The following OSBPL9 variants were observed in gnomAD, a reference collection of about 807,000 sequenced individuals.
OSBPL9 encodes oxysterol binding protein like 9.
OSBPL9 carries 40 observed loss-of-function variants against 106.6 expected under a neutral mutation model. That is an observed-to-expected ratio of 0.38 (90% CI 0.29 to 0.49). The LOEUF is 0.49. Among genes scored for constraint, OSBPL9 ranks in the 20% least tolerant of loss-of-function variants. The pLI, the probability that OSBPL9 is intolerant of heterozygous loss-of-function variation, is 0.97. For synonymous variants in OSBPL9, 269 were observed against 295.4 expected (o/e 0.91, Z 0.92); for missense variants, 609 against 887.2 (o/e 0.69, Z 3.98).
At chr1:51,774,353 A>T (rs1255159980) in intron 14 of OSBPL9, among the ~76,000 whole-genome samples, 1 of 152,158 alleles carries the variant, frequency 6.6e-6, no homozygotes, top group Non-Finnish European at 1.5e-5. Flanking sequence ...TTTTTTACTG[A>T]ATGTGTTTAA....
rs185007472 is a variant in OSBPL9, at chr1:51,727,258, T to C, written c.318+13179T>C. ...AAAGGAAAATTTAAAAGAGTATTAG[T>C]GAAGGTTAAATACTGACCATGGACA... On this transcript the variant is annotated intron_variant, in intron 4 of 23. Transcript: ENST00000428468. Among the ~76,000 whole-genome samples the C allele has an allele frequency of 1.4e-3, 208 of 151,742 alleles. 1 individual carries two copies. Among genetic ancestry groups the C allele is most frequent in the Admixed American group, 5.5e-3 (84 of 15,186 alleles).
intron 2 of OSBPL9, among the ~76,000 whole-genome samples, chr1:51,602,880 G>A (rs1645331214): frequency 6.6e-6 from 1 of 152,220 alleles, no homozygotes; most frequent in Non-Finnish European, 1.5e-5. Flanking sequence ...ACTAGGGCTG[G>A]GGTGGTGGCT....
chr1:51,636,132 T>C (rs914263226), intron 1 of OSBPL9, among the ~76,000 whole-genome samples: 3 of 149,004 alleles, frequency 2.0e-5, no homozygotes, highest in Non-Finnish European at 4.5e-5. Flanking sequence ...CAATCCTTCC[T>C]TCCTTCCTCT....
the OSBPL9 span, among the ~76,000 whole-genome samples, chr1:51,530,937 G>A: frequency 9.6e-4 from 145 of 151,532 alleles, no homozygotes; most frequent in Admixed American, 2.6e-3. Context: ...TCAGGCCACC[G>A]TACTCCAGCC....
chr1:51,771,937 A>G, intron 12 of OSBPL9, 133 bp from the exon 13 acceptor site: 2 of 636,658 alleles, frequency 3.1e-6, no homozygotes, highest in South Asian at 2.0e-5. Context: ...AGGATAAGAC[A>G]AGAGACCTTG....
At chr1:51,734,836 C>A (rs1360718310) in intron 4 of OSBPL9, among the ~76,000 whole-genome samples, 3 of 152,134 alleles carry the variant, frequency 2.0e-5, no homozygotes, top group Non-Finnish European at 2.9e-5. Flanking sequence ...CTTTCCCCCC[C>A]AAACCCTAGT....
At chr1:51,715,248 G>A (rs1255589284) in intron 4 of OSBPL9, among the ~76,000 whole-genome samples, 2 of 151,996 alleles carry the variant, frequency 1.3e-5, no homozygotes, top group Non-Finnish European at 2.9e-5. Context: ...GGTTATTAGG[G>A]GACTTTAAGA....
At chr1:51,756,554 T>G (rs1670378989) in intron 9 of OSBPL9, 196 bp downstream of exon 9, 1 of 563,478 alleles carries the variant, frequency 1.8e-6, no homozygotes, top group Non-Finnish European at 3.2e-6. Context: ...CTTAAAATTT[T>G]TCTAAGTGTG....
chr1:51,668,671 A>G (rs1274389088), intron 2 of OSBPL9, among the ~76,000 whole-genome samples: 2 of 152,200 alleles, frequency 1.3e-5, no homozygotes, highest in South Asian at 2.1e-4. Flanking sequence ...TAAAAGGGTT[A>G]AAACCTACCC....
intron 4 of OSBPL9, among the ~76,000 whole-genome samples, chr1:51,719,385 G>C (rs1195354136): frequency 6.6e-6 from 1 of 152,030 alleles, no homozygotes; most frequent in Non-Finnish European, 1.5e-5. Context: ...TTCTTAACCA[G>C]TAAGAGGCAT....
rs539404067 is a variant in OSBPL9, at chr1:51,619,475, T to G, written c.111+2254T>G. Among the ~76,000 whole-genome samples the G allele has an allele frequency of 3.9e-5, 6 of 152,354 alleles. No individual in the cohort carries two copies. In the East Asian group the frequency reaches 1.2e-3, roughly 29 times the overall value. On this transcript the variant is annotated intron_variant, in intron 1 of 23. Transcript: ENST00000428468. ...AAAATACTTTTTTCCCCCTCAATGC[T>G]TATCCTTCTTTTTGAGACTAGATTC...
intron 4 of OSBPL9, among the ~76,000 whole-genome samples, chr1:51,718,066 G>A (rs1190609719): frequency 6.6e-6 from 1 of 152,192 alleles, no homozygotes; most frequent in Non-Finnish European, 1.5e-5. Context: ...ATCCTGTCTT[G>A]AATAGAACTG....
At chr1:51,560,403 A>G in the OSBPL9 span, among the ~76,000 whole-genome samples, 1 of 152,258 alleles carries the variant, frequency 6.6e-6, no homozygotes, top group Non-Finnish European at 1.5e-5. Context: ...AAATGAGGAA[A>G]TAATAAGGGA....
chr1:51,594,371 C>A (rs545359432), intron 1 of OSBPL9, among the ~76,000 whole-genome samples: 29 of 152,034 alleles, frequency 1.9e-4, no homozygotes, highest in Admixed American at 1.7e-3. Context: ...CATTGCACTC[C>A]AGCCTAGGTG....
At chr1:51,524,209 C>T in the OSBPL9 span, among the ~76,000 whole-genome samples, 741 of 152,298 alleles carry the variant, frequency 4.9e-3, 2 homozygotes, top group Middle Eastern at 0.024. Flanking sequence ...AGGGATTGAG[C>T]TATGAAAAGA....
chr1:51,782,660 C>T lies in OSBPL9; in HGVS notation c.1513+17C>T. 1 of 1,608,640 alleles carries T rather than the reference C, an allele frequency of 6.2e-7. No individual in the cohort carries two copies. Among genetic ancestry groups the T allele is most frequent in the Non-Finnish European group, 8.5e-7 (1 of 1,175,228 alleles). On this transcript the variant is annotated intron_variant, in intron 17 of 23. Transcript: ENST00000428468. ...ATCCACCCAGTAAGTTACAGAGCTC[C>T]TCTGCAACCTGTGCTCTCAAAACTA...
intron 2 of OSBPL9, among the ~76,000 whole-genome samples, chr1:51,654,320 C>T (rs79080897): frequency 0.13 from 19,466 of 152,142 alleles, 1,381 homozygotes; most frequent in Middle Eastern, 0.23. Flanking sequence ...AAAATAATGA[C>T]AGGCTATCAT....
At chr1:51,771,497 G>GCA (rs955898465) in intron 12 of OSBPL9, among the ~76,000 whole-genome samples, 16 of 151,582 alleles carry the variant, frequency 1.1e-4, no homozygotes, top group South Asian at 4.2e-4. Context: ...GCGTGTGCGC[G>GCA]CACACACACA....
intron 7 of OSBPL9, among the ~76,000 whole-genome samples, chr1:51,749,308 A>C (rs1444065457): frequency 6.6e-6 from 1 of 152,000 alleles, no homozygotes; most frequent in Non-Finnish European, 1.5e-5. Context: ...TACTTCCATC[A>C]AAGTCTTTTT....
Sources: gnomAD v4.1 joint callset for allele counts (sites outside exome capture counted in the v4.1 genomes callset) on GRCh38, gnomAD v4.1.1 for gene constraint, MANE v1.5 for transcripts, NCBI Gene and HGNC (gene_info 2026-07-23, HGNC 2026-07-21) for gene names.